HPSE2: variants seen among roughly 807,000 people sequenced by gnomAD.
The protein encoded by HPSE2 is heparanase 2 (inactive).
A neutral mutation model predicts 60.5 loss-of-function variants in HPSE2; 38 were observed. The observed-to-expected ratio is 0.63, with a 90% CI of 0.48 to 0.82. The LOEUF (loss-of-function observed/expected upper bound fraction) is 0.82. Among genes scored for constraint, HPSE2 ranks in the 40% least tolerant of loss-of-function variants. The pLI, the probability that HPSE2 is intolerant of heterozygous loss-of-function variation, is 0.00. For missense variants in HPSE2, 713 were observed against 740.4 expected, an observed-to-expected ratio of 0.96 and a Z score of 0.43; for synonymous variants, 295 against 293.2, an observed-to-expected ratio of 1.01 and a Z score of -0.06.
intron 9 of HPSE2, among the ~76,000 whole-genome samples, chr10:98,498,884 C>T (rs1473981947): frequency 6.6e-6 from 1 of 152,008 alleles, no homozygotes; most frequent in African/African-American, 2.4e-5. Flanking sequence ...TAGAACTGAA[C>T]AAGTAGAAGA....
intron 3 of HPSE2, among the ~76,000 whole-genome samples, chr10:99,119,894 T>C (rs1445024965): frequency 1.3e-5 from 2 of 152,352 alleles, no homozygotes; most frequent in Non-Finnish European, 1.5e-5. Context: ...GCTAGCCATA[T>C]GCAGATGATT....
rs184176574 is a variant in HPSE2 at position 99,059,487 on chromosome 10, T to G, written c.610+84751A>C. On this transcript the variant is annotated intron_variant, in intron 3 of 11. Transcript: ENST00000370552. Reference sequence around the variant, plus strand: ...TCATTGGCATAAAGAAAAAGTAGTCTCTTGGTGATCATGGGCATTTTCAAG... The same window carrying G: ...TCATTGGCATAAAGAAAAAGTAGTCGCTTGGTGATCATGGGCATTTTCAAG... Among the ~76,000 whole-genome samples, 69 of 152,306 alleles carry G rather than the reference T, an allele frequency of 4.5e-4. No homozygotes were observed. In the East Asian group the frequency reaches 0.013, roughly 28 times the overall value.
chr10:98,475,341 T>C (rs572422996), intron 11 of HPSE2, among the ~76,000 whole-genome samples: 1 of 152,232 alleles, frequency 6.6e-6, no homozygotes, highest in African/African-American at 2.4e-5. Context: ...AGGATGGTCT[T>C]GATCTCCTGA....
chr10:98,975,498 T>C (rs1203128988), intron 3 of HPSE2, among the ~76,000 whole-genome samples: 2 of 152,150 alleles, frequency 1.3e-5, no homozygotes, highest in Non-Finnish European at 2.9e-5. Flanking sequence ...CTGCTTTTCA[T>C]GAAATCTTAT....
At chr10:98,843,426 T>C (rs1951964956) in intron 3 of HPSE2, among the ~76,000 whole-genome samples, 1 of 152,186 alleles carries the variant, frequency 6.6e-6, no homozygotes. Context: ...TAGAACACAA[T>C]ATATTATTGC....
At chr10:98,672,952 C>T (rs1947544220) in intron 6 of HPSE2, among the ~76,000 whole-genome samples, 1 of 152,082 alleles carries the variant, frequency 6.6e-6, no homozygotes, top group Non-Finnish European at 1.5e-5. Context: ...AATATATTAT[C>T]AGAAATTGGG....
intron 3 of HPSE2, among the ~76,000 whole-genome samples, chr10:98,782,888 G>A (rs943839312): frequency 7.5e-6 from 1 of 132,668 alleles, no homozygotes; most frequent in Non-Finnish European, 1.6e-5. Flanking sequence ...AATGGGTTGA[G>A]TGGGTCTACT....
intron 6 of HPSE2, among the ~76,000 whole-genome samples, chr10:98,688,484 T>TTTTTTTTTTTTTTTTTTTTTTTTTTTTG (rs1947984952): frequency 7.2e-6 from 1 of 138,928 alleles, no homozygotes; most frequent in Non-Finnish European, 1.6e-5. Context: ...TTTCTTTTTT[T>TTTTTTTTTTTTTTTTTTTTTTTTTTTTG]TTTTTTTTTG....
At chr10:98,990,026 G>A (rs980890372) in intron 3 of HPSE2, among the ~76,000 whole-genome samples, 6 of 152,056 alleles carry the variant, frequency 3.9e-5, no homozygotes, top group Non-Finnish European at 5.9e-5. Context: ...AGAAAGAGGC[G>A]CAAACAAAAG....
intron 3 of HPSE2, among the ~76,000 whole-genome samples, chr10:98,780,912 T>C (rs904078415): frequency 6.6e-6 from 1 of 152,036 alleles, no homozygotes; most frequent in Non-Finnish European, 1.5e-5. Context: ...TCCCTTGTAG[T>C]TAGGGTGGGA....
chr10:99,207,639 T>C (rs1364120757), intron 2 of HPSE2, among the ~76,000 whole-genome samples: 1 of 152,134 alleles, frequency 6.6e-6, no homozygotes, highest in African/African-American at 2.4e-5. Context: ...TACAAAGATA[T>C]AAATTGTGAC....
intron 3 of HPSE2, among the ~76,000 whole-genome samples, chr10:98,991,225 T>A (rs1178547278): frequency 6.6e-6 from 1 of 151,982 alleles, no homozygotes; most frequent in East Asian, 1.9e-4. Flanking sequence ...TAAACAAGCA[T>A]AAAATGTGAA....
At chr10:99,003,613 G>T (rs1956825140) in intron 3 of HPSE2, among the ~76,000 whole-genome samples, 1 of 151,952 alleles carries the variant, frequency 6.6e-6, no homozygotes, top group Non-Finnish European at 1.5e-5. Flanking sequence ...TATGCCTGTT[G>T]GCCATTTTTA....
intron 3 of HPSE2, among the ~76,000 whole-genome samples, chr10:99,042,484 G>C (rs557819858): frequency 2.6e-4 from 40 of 152,086 alleles, no homozygotes; most frequent in African/African-American, 9.2e-4. Flanking sequence ...CCAATATAAG[G>C]GGGAACAAAA....
chr10:99,207,809 C>G (rs898191076), intron 2 of HPSE2, among the ~76,000 whole-genome samples: 2 of 151,678 alleles, frequency 1.3e-5, no homozygotes, highest in African/African-American at 4.8e-5. Flanking sequence ...ATAGCCACCC[C>G]CCACCTTATT....
At chr10:98,730,632 A>G (rs910865962) in intron 4 of HPSE2, among the ~76,000 whole-genome samples, 5 of 152,160 alleles carry the variant, frequency 3.3e-5, no homozygotes, top group Non-Finnish European at 7.3e-5. Context: ...GAACACCACT[A>G]AACAATCTCA....
chr10:98,967,584 T>C (rs969255473), intron 3 of HPSE2, among the ~76,000 whole-genome samples: 18 of 152,214 alleles, frequency 1.2e-4, no homozygotes. Flanking sequence ...AACAAATCTG[T>C]TGACTCTTAC....
intron 1 of HPSE2, 27 bp downstream of exon 1, chr10:99,235,486 A>C (rs759481074): frequency 6.2e-7 from 1 of 1,613,044 alleles, no homozygotes; most frequent in Non-Finnish European, 8.5e-7. Flanking sequence ...AAAAATTTTA[A>C]ATGATCCATC....
Position 98,535,646 on chromosome 10 carries a change from A to G in HPSE2, c.1321-45450T>C, listed in dbSNP as rs188026229. On this transcript the variant is annotated intron_variant, in intron 9 of 11. Coordinates refer to ENST00000370552, the MANE Select transcript of HPSE2 (RefSeq NM_021828.5). ...TCTGTTGGGACATGATTCTTTAAAG[A>G]TAACTGAAAGCTTGGTTACCTGTTG... Among the ~76,000 whole-genome samples, 791 of 152,320 alleles carry G rather than the reference A, an allele frequency of 5.2e-3. 4 individuals carry two copies. Among genetic ancestry groups the G allele is most frequent in the Non-Finnish European group, 6.8e-3 (460 of 68,032 alleles).
Sources: allele counts gnomAD v4.1 joint callset (sites outside exome capture counted in the v4.1 genomes callset), GRCh38; gene constraint gnomAD v4.1.1; transcripts MANE v1.5; gene names NCBI Gene and HGNC (gene_info 2026-07-23, HGNC 2026-07-21).